Variants in SORT1 observed in about 807,000 individuals in gnomAD.
The protein encoded by SORT1 is sortilin.
A neutral mutation model predicts 101.7 loss-of-function variants in SORT1; 39 were observed. That is an observed-to-expected ratio of 0.38 (90% CI 0.30 to 0.50). The LOEUF (loss-of-function observed/expected upper bound fraction) is 0.50, where lower values mean the gene tolerates loss of function less well. Among genes scored for constraint, SORT1 ranks in the 20% least tolerant of loss-of-function variants. The probability of loss-of-function intolerance (pLI) is 0.90; values close to 1 mark genes in which losing one functional copy is unlikely to be tolerated. For missense variants in SORT1, 878 were observed against 1,040.4 expected (o/e 0.84, Z 2.15); for synonymous variants, 396 against 393.7 (o/e 1.01, Z -0.07).
chr1:109,351,965 G>GGGGTGTGTGTGT (rs932648162), intron 5 of SORT1, among the ~76,000 whole-genome samples: 8 of 147,412 alleles, frequency 5.4e-5, no homozygotes, highest in African/African-American at 1.8e-4. Context: ...GAGAGGTAGG[G>GGGGTGTGTGTGT]GTGTGTGTGT....
intron 11 of SORT1, among the ~76,000 whole-genome samples, chr1:109,333,033 T>C (rs185749543): frequency 9.9e-5 from 15 of 152,270 alleles, no homozygotes; most frequent in African/African-American, 3.6e-4. Context: ...GTTCAAGCAA[T>C]TCTCCTGCCT....
rs183989846 is a variant in SORT1, at chr1:109,314,853, T to C, written c.2251-75A>G. 665 of 744,188 alleles carry C rather than the reference T, an allele frequency of 8.9e-4. 1 individual carries two copies. Among genetic ancestry groups the C allele is most frequent in the Middle Eastern group, 5.2e-3 (22 of 4,252 alleles). The allele number at this position is 744,188 out of a possible 1,614,324, so 46.1% of individuals were successfully genotyped here. A position where few individuals can be genotyped will look rare whatever the true frequency, so the allele number is the denominator to read the frequency against. On this transcript the variant is annotated intron_variant, in intron 17 of 19. Coordinates refer to ENST00000256637, the MANE Select transcript of SORT1 (RefSeq NM_002959.7). ...GGACTGAGGTCAAGGCAGCCACTCATTCCCCTCATCTCTTTGTGAATGATC... is the reference window on the plus strand; with the variant it reads ...GGACTGAGGTCAAGGCAGCCACTCACTCCCCTCATCTCTTTGTGAATGATC...
intron 3 of SORT1, among the ~76,000 whole-genome samples, chr1:109,364,191 C>T (rs12723211): frequency 2.0e-5 from 3 of 152,080 alleles, no homozygotes; most frequent in African/African-American, 4.8e-5. Context: ...GTCAGGAAAG[C>T]GGGGTTTTTC....
chr1:109,345,943 T>C lies in SORT1; in HGVS notation c.833-62A>G, dbSNP rs566469981. 7.0e-4 allele frequency: 963 copies of C among 1,373,388 alleles called. 3 individuals carry two copies. Among genetic ancestry groups the C allele is most frequent in the Non-Finnish European group, 9.3e-4 (916 of 984,316 alleles). The allele number at this position is 1,373,388 out of a possible 1,614,324, so 85.1% of individuals were successfully genotyped here. On this transcript the variant is annotated intron_variant, in intron 7 of 19. Transcript: ENST00000256637. The stretch of plus-strand genomic sequence containing the variant: ...ACTGGTGAGCCTAGTTCAAAGCAGT[T>C]GTTTTAGAATCAATCTTAATTTTAT...
intron 15 of SORT1, among the ~76,000 whole-genome samples, chr1:109,319,994 A>G (rs766195838): frequency 2.0e-5 from 3 of 152,114 alleles, no homozygotes; most frequent in Non-Finnish European, 4.4e-5. Context: ...AGCATCTGAC[A>G]TACTGTTGTG....
In SORT1 at chr1:109,388,415, T is replaced by A. The variant is rs191740837; in HGVS notation, c.306+9172A>T. ...TACCATACCAGGCTAATTAAAAAAA[T>A]TTTTTTATACAGATGGGGTCTCACT... On this transcript the variant is annotated intron_variant, in intron 1 of 19. Transcript: ENST00000256637. Among the ~76,000 whole-genome samples the A allele has an allele frequency of 1.1e-3, 165 of 151,842 alleles. 2 individuals carry two copies. The highest frequency in any genetic ancestry group is 0.011 in the East Asian group (56 of 5,168).
chr1:109,393,515 T>C (rs1206973396), intron 1 of SORT1, among the ~76,000 whole-genome samples: 1 of 152,324 alleles, frequency 6.6e-6, no homozygotes, highest in South Asian at 2.1e-4. Context: ...CAGAAATGTT[T>C]TGAAGCAATC....
intron 5 of SORT1, among the ~76,000 whole-genome samples, chr1:109,352,424 T>C (rs535831095): frequency 6.6e-6 from 1 of 152,208 alleles, no homozygotes; most frequent in Non-Finnish European, 1.5e-5. Flanking sequence ...AAAGGAGGGA[T>C]TGGCCAATAG....
At chr1:109,334,941 TTAC>T (rs1648712329) in intron 11 of SORT1, among the ~76,000 whole-genome samples, 1 of 152,106 alleles carries the variant, frequency 6.6e-6, no homozygotes, top group Non-Finnish European at 1.5e-5. Flanking sequence ...TATGTATATT[TTAC>T]TACTATTTTT....
intron 2 of SORT1, among the ~76,000 whole-genome samples, chr1:109,368,075 C>T (rs900661569): frequency 1.1e-4 from 16 of 152,052 alleles, no homozygotes; most frequent in African/African-American, 3.9e-4. Context: ...GGACGGATCA[C>T]TTGAGGTCAG....
At chr1:109,384,685 C>T (rs1276247560) in intron 1 of SORT1, among the ~76,000 whole-genome samples, 1 of 152,160 alleles carries the variant, frequency 6.6e-6, no homozygotes, top group East Asian at 1.9e-4. Flanking sequence ...TTATGTAGCT[C>T]ACAGTTCTGG....
chr1:109,344,276 A>G (rs1649434781), intron 8 of SORT1, among the ~76,000 whole-genome samples: 2 of 152,194 alleles, frequency 1.3e-5, no homozygotes, highest in African/African-American at 4.8e-5. Context: ...TTCTGCGCAC[A>G]CCTATTCTTC....
At chr1:109,342,956 C>T (rs571655151) in intron 8 of SORT1, among the ~76,000 whole-genome samples, 1 of 152,140 alleles carries the variant, frequency 6.6e-6, no homozygotes, top group Admixed American at 6.5e-5. Flanking sequence ...TCAACTTATA[C>T]CAACATGTCT....
intron 1 of SORT1, among the ~76,000 whole-genome samples, chr1:109,370,519 A>C (rs1651423535): frequency 6.6e-6 from 1 of 152,214 alleles, no homozygotes; most frequent in Admixed American, 6.5e-5. Context: ...CAAACCATAT[A>C]GAAATTACAT....
intron 1 of SORT1, among the ~76,000 whole-genome samples, chr1:109,377,233 A>G (rs1651919394): frequency 6.6e-6 from 1 of 152,216 alleles, no homozygotes; most frequent in South Asian, 2.1e-4. Context: ...ATTATGCTAT[A>G]AATTCTTAAT....
At position 109,397,229 on chromosome 1, in the gene SORT1, T is replaced by G. The variant is rs1289874605; in HGVS notation, c.306+358A>C. 2.0e-5 allele frequency: 3 copies of G among 152,320 alleles called. No homozygotes were observed. In the East Asian group the frequency reaches 5.8e-4, roughly 29 times the overall value. The allele number at this position is 152,320 out of a possible 1,614,324, so 9.4% of individuals were successfully genotyped here. ...CACCTTTGCTTCTGCGCAGCCCAAC[T>G]TCTGCAAGCGCTCAAGAGTTAATTA... is the stretch of plus-strand genomic sequence containing the variant. On this transcript the variant is annotated intron_variant, in intron 1 of 19. Coordinates refer to ENST00000256637, the MANE Select transcript of SORT1 (RefSeq NM_002959.7).
At chr1:109,338,689 A>G (rs1649006592) in intron 10 of SORT1, among the ~76,000 whole-genome samples, 1 of 152,102 alleles carries the variant, frequency 6.6e-6, no homozygotes, top group South Asian at 2.1e-4. Context: ...ATAGATTCAA[A>G]ACATCTTTTT....
chr1:109,387,771 T>G (rs1280903580), intron 1 of SORT1, among the ~76,000 whole-genome samples: 1 of 151,994 alleles, frequency 6.6e-6, no homozygotes, highest in Non-Finnish European at 1.5e-5. Context: ...GCCAAGATGG[T>G]GAAACCCCAT....
rs779031565 is a variant in SORT1, at chr1:109,340,820, A to C, written c.1168T>G (p.Leu390Val). Residue 390 changes from leucine to valine, a missense_variant, in exon 10 of 20, where the codon TTG becomes GTG. Around this residue, in one of 2 missense-constraint regions of SORT1, gnomAD observed 684 missense variants for 894.5 expected, o/e 0.76. Coordinates refer to ENST00000256637, the MANE Select transcript of SORT1 (RefSeq NM_002959.7). Reference sequence around the variant, plus strand: ...GTGGTAGTGTAGAGATGTCGGTCCAAAGACTTGGAATAGACAATGCCTCGA... The same window carrying C: ...GTGGTAGTGTAGAGATGTCGGTCCACAGACTTGGAATAGACAATGCCTCGA... Reference protein sequence around the residue: ...DDRGIVYSKSLDRHLYTTTGG... With the variant: ...DDRGIVYSKSVDRHLYTTTGG... The C allele has an allele frequency of 6.2e-7, 1 of 1,613,984 alleles. No homozygotes were observed. Among genetic ancestry groups the C allele is most frequent in the Non-Finnish European group, 8.5e-7 (1 of 1,179,962 alleles).
Sources: gnomAD v4.1 joint callset for allele counts (sites outside exome capture counted in the v4.1 genomes callset) on GRCh38, gnomAD v4.1.1 for gene constraint, gnomAD v4.1.1 regional missense constraint, MANE v1.5 for transcripts, NCBI Gene and HGNC (gene_info 2026-07-23, HGNC 2026-07-21) for gene names.